TBCCD1: variants seen among roughly 807,000 people sequenced by gnomAD.
TBCCD1 encodes TBCC domain-containing protein 1.
In TBCCD1, 26 loss-of-function variants were observed where a neutral mutation model predicts 53.4. The ratio of observed to expected loss-of-function variants is 0.49; its 90% confidence interval spans 0.36 to 0.68. TBCCD1 has a LOEUF of 0.68. Ranked by LOEUF, TBCCD1 falls within the 30% of genes least tolerant of loss-of-function variation. The pLI is 0.00. For missense variants in TBCCD1, 558 were observed against 669.5 expected, an observed-to-expected ratio of 0.83 and a Z score of 1.84; for synonymous variants, 245 against 241.7, an observed-to-expected ratio of 1.01 and a Z score of -0.13.
At chr3:186,554,090 C>T (rs1714452850) in intron 6 of TBCCD1, among the ~76,000 whole-genome samples, 164 bp downstream of exon 6, 1 of 152,222 alleles carries the variant, frequency 6.6e-6, no homozygotes, top group Non-Finnish European at 1.5e-5. Flanking sequence ...TCAGGTGATC[C>T]ACCCACCTCG....
chr3:186,552,753 A>G (rs1714417124), intron 6 of TBCCD1, among the ~76,000 whole-genome samples: 1 of 152,154 alleles, frequency 6.6e-6, no homozygotes, highest in African/African-American at 2.4e-5. Flanking sequence ...ACAGTTTTCC[A>G]TGTTCCCCAA....
At chr3:186,556,331 G>A (rs1714538413) in intron 4 of TBCCD1, 78 bp downstream of exon 4, 1 of 1,499,416 alleles carries the variant, frequency 6.7e-7, no homozygotes, top group African/African-American at 1.4e-5. Flanking sequence ...GAAGACACGA[G>A]ATCACTAATA....
upstream of TBCCD1, chr3:186,570,494 G>C (rs1014983542): frequency 6.2e-6 from 3 of 486,456 alleles, no homozygotes; most frequent in African/African-American, 6.0e-5. Context: ...TCTACGACTC[G>C]CGGTAGCTCA....
chr3:186,555,151 G>A (rs1714500304), intron 4 of TBCCD1, 67 bp from the exon 5 acceptor site: 1 of 1,448,686 alleles, frequency 6.9e-7, no homozygotes, highest in East Asian at 2.3e-5. Context: ...AAACATATGA[G>A]GTTACACGTC....
intron 2 of TBCCD1, among the ~76,000 whole-genome samples, chr3:186,559,864 G>A (rs1714645724): frequency 6.6e-6 from 1 of 152,062 alleles, no homozygotes; most frequent in Non-Finnish European, 1.5e-5. Flanking sequence ...GTCAAGATAC[G>A]AGAACATTTC....
chr3:186,550,058 C>G (rs866886065), intron 7 of TBCCD1, among the ~76,000 whole-genome samples: 2 of 151,848 alleles, frequency 1.3e-5, no homozygotes, highest in Non-Finnish European at 2.9e-5. Context: ...GAAACTAAGT[C>G]TCTACTAAAC....
At position 186,546,142 on chromosome 3, in the gene TBCCD1, T is replaced by G. The variant is rs905398321; in HGVS notation, c.*835A>C. On this transcript the variant is annotated 3_prime_UTR_variant, in exon 8 of 8. Coordinates refer to ENST00000338733, the MANE Select transcript of TBCCD1 (RefSeq NM_018138.5). ...GATTTTTTTAAACAATTTCATTAAG[T>G]TCCATACTTTAAGGACTAAAATATA... The G allele has an allele frequency of 1.3e-5, 2 of 152,230 alleles. No homozygotes were observed. The highest frequency in any genetic ancestry group is 2.9e-5 in the Non-Finnish European group (2 of 68,038). 9.4% of individuals were successfully genotyped at this position (152,230 alleles called of 1,614,324 possible).
At chr3:186,551,336 A>G (rs1714371319) in intron 6 of TBCCD1, 57 bp from the exon 7 acceptor site, 2 of 1,449,832 alleles carry the variant, frequency 1.4e-6, no homozygotes, top group African/African-American at 2.9e-5. Context: ...TATAAATTGT[A>G]CTCTAAGCAA....
At chr3:186,558,912 T>C (rs367800396) in intron 2 of TBCCD1, among the ~76,000 whole-genome samples, 2 of 152,152 alleles carry the variant, frequency 1.3e-5, no homozygotes, top group East Asian at 3.9e-4. Context: ...CCAACTAATT[T>C]TTTTGTATTT....
At position 186,564,277 on chromosome 3, in the gene TBCCD1, C is replaced by T; in HGVS notation, c.53G>A (p.Gly18Asp). Residue 18 changes from glycine to aspartate, a missense_variant, in exon 2 of 8, where the codon GGT (glycine) becomes GAT (aspartate). Transcript: ENST00000338733. ...LWVKAEPFIVGALQVPPPSKF... is the reference protein window; with the variant it reads ...LWVKAEPFIVDALQVPPPSKF... ...GGATGGAGGGGGGACCTGCAAGGCA[C>T]CCACTATAAAGGGTTCTGCTTTCAC... The T allele has an allele frequency of 6.2e-7, 1 of 1,614,130 alleles. No individual in the cohort carries two copies. The highest frequency in any genetic ancestry group is 8.5e-7 in the Non-Finnish European group (1 of 1,180,026).
intron 1 of TBCCD1, 93 bp from the exon 2 acceptor site, chr3:186,564,465 A>G: frequency 2.6e-6 from 2 of 778,074 alleles, no homozygotes; most frequent in South Asian, 1.9e-5. Context: ...CAACTGTGTC[A>G]TATGTACTAC....
rs371033876 is a variant in TBCCD1, at chr3:186,567,311, C to G, written c.-88G>C. On this transcript the variant is annotated 5_prime_UTR_variant, in exon 1 of 8. Coordinates refer to ENST00000338733, the MANE Select transcript of TBCCD1 (RefSeq NM_018138.5). ...TCCGCCGCACTTCTCCGCGCGCCGC[C>G]GCGCCCGGCGTCCGCTCGCTGGGCC... 1.2e-4 allele frequency: 18 copies of G among 153,012 alleles called. No homozygotes were observed. The South Asian group carries it at 3.5e-3, about 30-fold the overall frequency. The allele number at this position is 153,012 out of a possible 1,614,324, so 9.5% of individuals were successfully genotyped here. A position where few individuals can be genotyped will look rare whatever the true frequency, so the allele number is the denominator to read the frequency against.
At chr3:186,555,427 A>T (rs918653385) in intron 4 of TBCCD1, among the ~76,000 whole-genome samples, 1 of 152,192 alleles carries the variant, frequency 6.6e-6, no homozygotes, top group Non-Finnish European at 1.5e-5. Flanking sequence ...CCTAACTCAA[A>T]TATCTTCTCC....
At chr3:186,562,520 G>C (rs770793261) in intron 2 of TBCCD1, among the ~76,000 whole-genome samples, 2 of 152,148 alleles carry the variant, frequency 1.3e-5, no homozygotes, top group African/African-American at 2.4e-5. Flanking sequence ...GACTGACAAG[G>C]GCTAGGAGGA....
intron 6 of TBCCD1, chr3:186,553,744 CT>C (rs1483340669): frequency 6.2e-6 from 1 of 160,990 alleles, no homozygotes. Context: ...ACTTTAGCTT[CT>C]TAAGAAAAGG....
chr3:186,549,652 T>C (rs1025482713), intron 7 of TBCCD1, among the ~76,000 whole-genome samples: 3 of 152,130 alleles, frequency 2.0e-5, no homozygotes, highest in African/African-American at 7.2e-5. Flanking sequence ...TTAGACCTCA[T>C]CTCTAGAAAA....
chr3:186,551,185 G>T lies in TBCCD1; in HGVS notation c.1639C>A (p.Pro547Thr), dbSNP rs558586799. The T allele has an allele frequency of 6.2e-7, 1 of 1,612,390 alleles. No individual in the cohort carries two copies. Residue 547 changes from proline to threonine, a missense_variant, in exon 7 of 8, where the codon CCC becomes ACC. By Grantham distance (38) the Pro-to-Thr change is conservative. Transcript: ENST00000338733. ...GHRQQLDSLV[P>T]PAAGSKQAAG Reference sequence around the variant, plus strand: ...GCTTGTTTGGAGCCTGCTGCAGGGGGTACAAGGCTGTCCAGCTGTTGGCGA... The same window carrying T: ...GCTTGTTTGGAGCCTGCTGCAGGGGTTACAAGGCTGTCCAGCTGTTGGCGA...
intron 2 of TBCCD1, among the ~76,000 whole-genome samples, chr3:186,560,981 G>C (rs1434648835): frequency 6.6e-6 from 1 of 152,092 alleles, no homozygotes; most frequent in East Asian, 1.9e-4. Context: ...TCAAAATGGA[G>C]GAAAGACTTA....
rs747483253 is a variant in TBCCD1 at position 186,564,202 on chromosome 3, C to G, written c.128G>C (p.Arg43Pro). The change falls in exon 2 of 8, where the codon CGG becomes CCG. Residue 43 changes from arginine (R) to proline (P), a missense_variant. Transcript: ENST00000338733. The stretch of plus-strand genomic sequence containing the variant: ...GCGCGGGTAAGCTCCTTCTGTGGCC[C>G]GGATTTGCACATAGGTGGATATCTT... ...LRKISTYVQI[R>P]ATEGAYPRLY... is the part of the protein sequence containing the mutation. 3 of 1,614,054 alleles carry G rather than the reference C, an allele frequency of 1.9e-6. No homozygotes were observed. The highest frequency in any genetic ancestry group is 2.5e-6 in the Non-Finnish European group (3 of 1,180,040).
Sources: allele counts gnomAD v4.1 joint callset (sites outside exome capture counted in the v4.1 genomes callset), GRCh38; gene constraint gnomAD v4.1.1; transcripts MANE v1.5; gene names NCBI Gene and HGNC (gene_info 2026-07-23, HGNC 2026-07-21).